The following GSDME variants were observed in gnomAD, a reference collection of about 807,000 sequenced individuals.
GSDME encodes the protein gasdermin-E.
GSDME carries 44 observed loss-of-function variants against 47.5 expected under a neutral mutation model. The ratio of observed to expected loss-of-function variants is 0.93; its 90% CI spans 0.73 to 1.19. The LOEUF (loss-of-function observed/expected upper bound fraction) is 1.19. Ranked by LOEUF, GSDME falls within the 50% of genes most tolerant of loss-of-function variation. The pLI, the probability that GSDME is intolerant of heterozygous loss-of-function variation, is 0.00. For synonymous variants in GSDME, 258 were observed against 252.8 expected (o/e 1.02, Z -0.20); for missense variants, 663 against 604.2 (o/e 1.10, Z -1.02).
rs1466579655 is a variant in GSDME, at chr7:24,716,337, T to G, written c.697+917A>C. On this transcript the variant is annotated intron_variant, in intron 5 of 9. Coordinates refer to ENST00000645220, the MANE Select transcript of GSDME (RefSeq NM_001127453.2). The surrounding 1 kb of genome is among the most constrained non-coding windows in gnomAD (Gnocchi z 4.5). The stretch of plus-strand genomic sequence containing the variant: ...CCTTTATGCTCCACTCATATTATTT[T>G]TGAATCAAACCACAGACATATTACC... The G allele has an allele frequency of 6.6e-6, 1 of 152,268 alleles. No individual in the cohort carries two copies. The highest frequency in any genetic ancestry group is 2.4e-5 in the African/African-American group (1 of 41,450). The allele number at this position is 152,268 out of a possible 1,614,324, so 9.4% of individuals were successfully genotyped here. A position where few individuals can be genotyped will look rare whatever the true frequency, so the allele number is the denominator to read the frequency against.
the GSDME span, among the ~76,000 whole-genome samples, chr7:24,777,762 C>T: frequency 3.9e-5 from 6 of 152,024 alleles, no homozygotes; most frequent in Non-Finnish European, 5.9e-5. Context: ...CACAGTGGCA[C>T]GCACCTGTAG....
chr7:24,719,424 G>A (rs188214601), intron 3 of GSDME, among the ~76,000 whole-genome samples: 176 of 152,248 alleles, frequency 1.2e-3, no homozygotes, highest in Admixed American at 1.9e-3. Context: ...CCGGGCCTCT[G>A]GGGGCCAGGC....
chr7:24,762,226 C>A (rs1340984543), upstream of GSDME, among the ~76,000 whole-genome samples: 5 of 143,588 alleles, frequency 3.5e-5, no homozygotes, highest in Middle Eastern at 3.6e-3. Context: ...TGTACTCCAG[C>A]CTGGGTGACA....
At position 24,726,804 on chromosome 7, in the gene GSDME, T is replaced by A. The variant is rs1267879017; in HGVS notation, c.405-7586A>T. On this transcript the variant is annotated intron_variant, in intron 3 of 9. Coordinates refer to ENST00000645220, the MANE Select transcript of GSDME (RefSeq NM_001127453.2). This position sits in a 1 kb window ranked among gnomAD's most constrained non-coding sequence, Gnocchi z 5.6. Reference sequence around the variant, plus strand: ...CCGGGGGACAGAGCGAGACTCCGTCTCAAAAAAAAAAAAAAAAAACCAATG... The same window carrying A: ...CCGGGGGACAGAGCGAGACTCCGTCACAAAAAAAAAAAAAAAAAACCAATG... Among the ~76,000 whole-genome samples the A allele has an allele frequency of 2.2e-5, 2 of 92,320 alleles. No homozygotes were observed. The highest frequency in any genetic ancestry group is 4.9e-5 in the African/African-American group (1 of 20,300). The allele number at this position is 92,320 out of a possible 152,430, so 60.6% of individuals were successfully genotyped here. A position where few individuals can be genotyped will look rare whatever the true frequency, so the allele number is the denominator to read the frequency against.
chr7:24,706,690 G>A (rs1347263708), intron 7 of GSDME, among the ~76,000 whole-genome samples: 1 of 152,204 alleles, frequency 6.6e-6, no homozygotes, highest in Non-Finnish European at 1.5e-5. Flanking sequence ...AACTGGGGAG[G>A]GCGATGTTCA....
In GSDME at chr7:24,754,787, T is replaced by C. The variant is rs1157219101; in HGVS notation, c.-20+2609A>G. Among the ~76,000 whole-genome samples, 1 of 152,242 alleles carries C rather than the reference T, an allele frequency of 6.6e-6. No individual in the cohort carries two copies. Among genetic ancestry groups the C allele is most frequent in the East Asian group, 1.9e-4 (1 of 5,200 alleles). ...CTGCCTGTTAAGACTGATTCAGTCA[T>C]GGAGTTATCTAGTTTTTAAATTAGA... On this transcript the variant is annotated intron_variant, in intron 1 of 9. Transcript: ENST00000645220. This position sits in a 1 kb window ranked among gnomAD's most constrained non-coding sequence, Gnocchi z 5.0.
chr7:24,743,344 T>A (rs1211635239), intron 3 of GSDME, among the ~76,000 whole-genome samples: 2 of 152,194 alleles, frequency 1.3e-5, no homozygotes, highest in Non-Finnish European at 2.9e-5. Context: ...TTCTCTTAAT[T>A]TATTTGGATT....
Position 24,724,154 on chromosome 7 carries a change from G to A in GSDME, c.405-4936C>T, listed in dbSNP as rs879743683. 9.4e-5 allele frequency among the ~76,000 whole-genome samples: 14 copies of A among 149,618 alleles called. No homozygotes were observed. Among genetic ancestry groups the A allele is most frequent in the Middle Eastern group, 6.8e-3 (2 of 292 alleles). On this transcript the variant is annotated intron_variant, in intron 3 of 9. Coordinates refer to ENST00000645220, the MANE Select transcript of GSDME (RefSeq NM_001127453.2). The surrounding 1 kb of genome is among the most constrained non-coding windows in gnomAD (Gnocchi z 4.8). Reference sequence around the variant, plus strand: ...TTTGACCTTTTGACATTTAAACCATGTGAATAGATTGCCCAGTTCCAAAAA... The same window carrying A: ...TTTGACCTTTTGACATTTAAACCATATGAATAGATTGCCCAGTTCCAAAAA...
chr7:24,779,176 G>C, the GSDME span, among the ~76,000 whole-genome samples: 1 of 152,204 alleles, frequency 6.6e-6, no homozygotes, highest in African/African-American at 2.4e-5. This position sits in a 1 kb window ranked among gnomAD's most constrained non-coding sequence, Gnocchi z 6.0. Flanking sequence ...AAGTTGGTTA[G>C]TCAGATGCAG....
At chr7:24,761,878 G>A (rs1349264352), upstream of GSDME, among the ~76,000 whole-genome samples, 3 of 152,160 alleles carry the variant, frequency 2.0e-5, no homozygotes, top group African/African-American at 7.2e-5. This position sits in a 1 kb window ranked among gnomAD's most constrained non-coding sequence, Gnocchi z 4.4. Flanking sequence ...AGATAGGGGT[G>A]GTATATTCTA....
chr7:24,748,262 C>CAG (rs910076706), intron 2 of GSDME, among the ~76,000 whole-genome samples: 3 of 150,950 alleles, frequency 2.0e-5, no homozygotes, highest in African/African-American at 4.9e-5. Flanking sequence ...TGGGTTCAAG[C>CAG]GATTCTCCTG....
Position 24,708,110 on chromosome 7 carries a change from G to A in GSDME, c.990+17C>T, listed in dbSNP as rs1789191383. The A allele has an allele frequency of 6.2e-7, 1 of 1,614,044 alleles. No individual in the cohort carries two copies. The highest frequency in any genetic ancestry group is 8.5e-7 in the Non-Finnish European group (1 of 1,179,930). On this transcript the variant is annotated intron_variant, in intron 7 of 9. Transcript: ENST00000645220. ...AACCCCAGTGAAAACACTGCCTTGA[G>A]ATGTCTCAGGGCTCACCACTGGTTC... is the stretch of plus-strand genomic sequence containing the variant.
chr7:24,734,673 T>C (rs1467771302), intron 3 of GSDME, among the ~76,000 whole-genome samples: 2 of 152,156 alleles, frequency 1.3e-5, no homozygotes, highest in African/African-American at 4.8e-5. Flanking sequence ...CATCAGAGTC[T>C]CTTAAATAGC....
chr7:24,785,702 G>A, the GSDME span, among the ~76,000 whole-genome samples: 7 of 152,292 alleles, frequency 4.6e-5, no homozygotes, highest in East Asian at 1.9e-4. Flanking sequence ...TGATCCACCT[G>A]CCTTGGCCTC....
upstream of GSDME, chr7:24,758,030 A>C (rs932118324): frequency 6.6e-6 from 1 of 152,276 alleles, no homozygotes; most frequent in Non-Finnish European, 1.5e-5. This position sits in a 1 kb window ranked among gnomAD's most constrained non-coding sequence, Gnocchi z 4.6. Context: ...TTGAGGGCAA[A>C]ACCAGGCGCT....
chr7:24,763,140 C>A, the GSDME span, among the ~76,000 whole-genome samples: 1 of 152,182 alleles, frequency 6.6e-6, no homozygotes, highest in South Asian at 2.1e-4. The surrounding 1 kb of genome is among the most constrained non-coding windows in gnomAD (Gnocchi z 4.3). Flanking sequence ...ATGCCTTTTT[C>A]ATCTTAAGCA....
chr7:24,699,316 G>A (rs1398743478), intron 9 of GSDME, 57 bp from the exon 10 acceptor site: 1 of 1,272,956 alleles, frequency 7.9e-7, no homozygotes. Flanking sequence ...AATCCACATT[G>A]GATAGTAATG....
At chr7:24,775,189 T>C in the GSDME span, among the ~76,000 whole-genome samples, 2 of 152,206 alleles carry the variant, frequency 1.3e-5, no homozygotes, top group Admixed American at 1.3e-4. Flanking sequence ...AAATATTATA[T>C]GGACACATTA....
the GSDME span, among the ~76,000 whole-genome samples, chr7:24,778,751 A>T: frequency 1.3e-5 from 2 of 152,212 alleles, no homozygotes; most frequent in Non-Finnish European, 2.9e-5. The surrounding 1 kb of genome is among the most constrained non-coding windows in gnomAD (Gnocchi z 5.6). Flanking sequence ...CAGAAGCTGC[A>T]CGTACCACTG....
Sources: gnomAD v4.1 joint callset for allele counts (sites outside exome capture counted in the v4.1 genomes callset) on GRCh38, gnomAD v4.1.1 for gene constraint, Gnocchi (gnomAD v3.1) non-coding constraint, MANE v1.5 for transcripts, NCBI Gene and HGNC (gene_info 2026-07-23, HGNC 2026-07-21) for gene names.